The following FAM53A variants were observed in gnomAD, a reference collection of about 807,000 sequenced individuals.
FAM53A encodes the protein protein FAM53A.
Under a neutral mutation model 26.6 loss-of-function variants are expected in FAM53A, and 28 were observed. The ratio of observed to expected loss-of-function variants is 1.05; its 90% confidence interval spans 0.78 to 1.45. The LOEUF (loss-of-function observed/expected upper bound fraction) is 1.45. Among genes scored for constraint, FAM53A ranks in the 40% most tolerant of loss-of-function variants. The pLI, the probability that FAM53A is intolerant of heterozygous loss-of-function variation, is 0.00. For missense variants in FAM53A, 650 were observed against 575.8 expected, an observed-to-expected ratio of 1.13 and a Z score of -1.32; for synonymous variants, 290 against 253.1, an observed-to-expected ratio of 1.15 and a Z score of -1.38.
At chr4:1,638,229 C>T (rs569677826), downstream of FAM53A, among the ~76,000 whole-genome samples, 5 of 152,076 alleles carry the variant, frequency 3.3e-5, no homozygotes, top group Non-Finnish European at 7.4e-5. Context: ...CACGCAGACA[C>T]GCCCAAGGGA....
chr4:1,673,868 C>T (rs1266267921), intron 1 of FAM53A, among the ~76,000 whole-genome samples: 2 of 152,270 alleles, frequency 1.3e-5, no homozygotes, highest in South Asian at 2.1e-4. Context: ...GGAGGGACCA[C>T]GCCTACTGCC....
chr4:1,624,244 G>A (rs1002090960), intron 1 of FAM53A, among the ~76,000 whole-genome samples: 2 of 152,240 alleles, frequency 1.3e-5, no homozygotes, highest in Non-Finnish European at 2.9e-5. Flanking sequence ...CATGTCCACT[G>A]CCCAGCACTT....
At chr4:1,657,576 T>C (rs1211588303) in intron 2 of FAM53A, 108 bp from the exon 3 acceptor site, 18 of 900,976 alleles carry the variant, frequency 2.0e-5, no homozygotes, top group Non-Finnish European at 3.2e-5. Flanking sequence ...CAGTGTTTTC[T>C]TTCTAGTGAT....
chr4:1,668,556 C>G (rs1367067118), intron 2 of FAM53A, 111 bp downstream of exon 2: 2 of 1,207,098 alleles, frequency 1.7e-6, no homozygotes, highest in East Asian at 4.7e-5. Flanking sequence ...CCCAGCAGGG[C>G]CCCCCAGGCC....
chr4:1,681,125 T>C (rs966396371), intron 1 of FAM53A, among the ~76,000 whole-genome samples: 1 of 152,134 alleles, frequency 6.6e-6, no homozygotes, highest in African/African-American at 2.4e-5. Context: ...AGATGAAGTT[T>C]CGCTGTTGCT....
At position 1,655,271 on chromosome 4, in the gene FAM53A, T is replaced by G. The variant is rs1369866524; in HGVS notation, c.589A>C (p.Ser197Arg). ...CCTGAGCCCGCACTGCCCTCGCTGC[T>G]GTCCACGAAGCCGCCGCTGGCGGAG... ...PSSASGGFVD[S>R]SEGSAGSGPL... Residue 197 changes from serine to arginine, a missense_variant, in exon 4 of 5, where the codon AGC becomes CGC. Physicochemically the swap from Ser to Arg is moderately radical, Grantham distance 110. Coordinates refer to ENST00000308132, the MANE Select transcript of FAM53A (RefSeq NM_001174070.3). The G allele has an allele frequency of 7.0e-7, 1 of 1,434,868 alleles. No individual in the cohort carries two copies. Among genetic ancestry groups the G allele is most frequent in the South Asian group, 1.5e-5 (1 of 67,714 alleles). 88.9% of individuals were successfully genotyped at this position (1,434,868 alleles called of 1,614,324 possible).
At chr4:1,652,819 T>C (rs1456380475) in intron 4 of FAM53A, among the ~76,000 whole-genome samples, 1 of 110,108 alleles carries the variant, frequency 9.1e-6, no homozygotes, top group Non-Finnish European at 1.8e-5. Context: ...ACACACCACA[T>C]ACTACCCACC....
chr4:1,685,615 G>C (rs1244618997), upstream of FAM53A, among the ~76,000 whole-genome samples: 1 of 152,120 alleles, frequency 6.6e-6, no homozygotes, highest in Non-Finnish European at 1.5e-5. Flanking sequence ...GCGAAGCCAG[G>C]CCAGCTGACA....
At chr4:1,656,637 G>A (rs1713407100) in intron 3 of FAM53A, among the ~76,000 whole-genome samples, 1 of 152,152 alleles carries the variant, frequency 6.6e-6, no homozygotes, top group African/African-American at 2.4e-5. Context: ...ACCCCAGGAG[G>A]CTGAGGTGAG....
chr4:1,645,718 C>T (rs951604757), intron 4 of FAM53A, among the ~76,000 whole-genome samples: 1 of 152,240 alleles, frequency 6.6e-6, no homozygotes, highest in African/African-American at 2.4e-5. Flanking sequence ...TCTGCCACCT[C>T]ACTCACCACC....
chr4:1,577,138 G>A, the FAM53A span, among the ~76,000 whole-genome samples: 1 of 152,184 alleles, frequency 6.6e-6, no homozygotes, highest in Non-Finnish European at 1.5e-5. Context: ...TGGTAGGGGA[G>A]GGCTGGACCC....
chr4:1,649,176 A>AGGGAAGGGGAAGGGGAAGGGAAG (rs1712522792), intron 4 of FAM53A, among the ~76,000 whole-genome samples: 1 of 106,082 alleles, frequency 9.4e-6, no homozygotes, highest in Non-Finnish European at 1.7e-5. Flanking sequence ...GGAAAGGGAA[A>AGGGAAGGGGAAGGGGAAGGGAAG]GGGAAGGGGA....
the FAM53A span, among the ~76,000 whole-genome samples, chr4:1,605,619 C>G: frequency 9.3e-5 from 13 of 140,258 alleles, no homozygotes; most frequent in East Asian, 3.1e-3. This position sits in a 1 kb window ranked among gnomAD's most constrained non-coding sequence, Gnocchi z 5.7. Context: ...GGTGTGGACG[C>G]GGCTCCTCGG....
chr4:1,626,565 G>A (rs1205427198), intron 1 of FAM53A, among the ~76,000 whole-genome samples: 9 of 150,720 alleles, frequency 6.0e-5, no homozygotes, highest in South Asian at 2.1e-4. Context: ...GGGGGGACCC[G>A]GGGAGGACCT....
At chr4:1,673,037 T>C (rs892886210) in intron 1 of FAM53A, among the ~76,000 whole-genome samples, 3 of 152,216 alleles carry the variant, frequency 2.0e-5, no homozygotes, top group Admixed American at 6.5e-5. Flanking sequence ...CCCACAGTGC[T>C]GGGATTACAG....
intron 1 of FAM53A, among the ~76,000 whole-genome samples, chr4:1,625,822 T>G (rs916219214): frequency 1.2e-4 from 18 of 151,146 alleles, no homozygotes; most frequent in African/African-American, 4.4e-4. Flanking sequence ...GTGGTCAGGG[T>G]CACGCCAAGT....
Position 1,659,400 on chromosome 4 carries a change from G to A in FAM53A, c.76-1932C>T, listed in dbSNP as rs558004076. ...TTCCGCACAGCACCCGTTCCCCGGGGCCACATGAACAGCACCCAGCTCGAC... is the reference window on the plus strand; with the variant it reads ...TTCCGCACAGCACCCGTTCCCCGGGACCACATGAACAGCACCCAGCTCGAC... On this transcript the variant is annotated intron_variant, in intron 2 of 4. Transcript: ENST00000308132. The surrounding 1 kb of genome is among the most constrained non-coding windows in gnomAD (Gnocchi z 5.2). Among the ~76,000 whole-genome samples the A allele has an allele frequency of 6.6e-6, 1 of 152,358 alleles. No individual in the cohort carries two copies. Among genetic ancestry groups the A allele is most frequent in the Admixed American group, 6.5e-5 (1 of 15,306 alleles).
chr4:1,576,298 A>G, the FAM53A span, among the ~76,000 whole-genome samples: 8 of 152,248 alleles, frequency 5.3e-5, no homozygotes, highest in African/African-American at 1.9e-4. Context: ...GAATAAACGC[A>G]GGATGAAGTG....
intron 2 of FAM53A, among the ~76,000 whole-genome samples, chr4:1,667,633 C>T (rs868369333): frequency 6.6e-6 from 1 of 152,188 alleles, no homozygotes; most frequent in South Asian, 2.1e-4. Context: ...GAACCCCCTG[C>T]GGTGAAGATG....
Sources: allele counts gnomAD v4.1 joint callset (sites outside exome capture counted in the v4.1 genomes callset), GRCh38; gene constraint gnomAD v4.1.1; non-coding constraint Gnocchi (gnomAD v3.1); transcripts MANE v1.5; gene names NCBI Gene and HGNC (gene_info 2026-07-23, HGNC 2026-07-21).